Variants in ATL2 observed in about 807,000 individuals in gnomAD.
ATL2 encodes atlastin-2.
ATL2 carries 31 observed loss-of-function variants against 73.9 expected under a neutral mutation model. That is an observed-to-expected ratio of 0.42 (90% confidence interval 0.32 to 0.57). The LOEUF is 0.57. ATL2 is among the 20% of genes least tolerant of loss of function. The pLI is 0.14. For synonymous variants in ATL2, 291 were observed against 237.5 expected, an observed-to-expected ratio of 1.23 and a Z score of -2.07; for missense variants, 738 against 702.6, an observed-to-expected ratio of 1.05 and a Z score of -0.57.
chr2:38,334,026 C>CTTTT (rs1669155185), intron 2 of ATL2, among the ~76,000 whole-genome samples: 1 of 120,086 alleles, frequency 8.3e-6, no homozygotes, highest in African/African-American at 4.5e-5. Flanking sequence ...GTATCCAATC[C>CTTTT]TCTTTTTTTT....
intron 2 of ATL2, among the ~76,000 whole-genome samples, chr2:38,342,941 G>A (rs944365292): frequency 2.9e-4 from 44 of 149,562 alleles, no homozygotes; most frequent in Middle Eastern, 3.5e-3. Context: ...AGTTCTGTCA[G>A]CCTGGACAAC....
intron 2 of ATL2, among the ~76,000 whole-genome samples, chr2:38,336,466 T>A (rs898684706): frequency 3.3e-5 from 5 of 152,204 alleles, no homozygotes; most frequent in Non-Finnish European, 2.9e-5. Context: ...TAGATACCAG[T>A]GCATAGCAAG....
intron 1 of ATL2, among the ~76,000 whole-genome samples, chr2:38,370,150 C>CAAAAAAAA (rs962952444): frequency 2.3e-5 from 1 of 43,914 alleles, no homozygotes; most frequent in African/African-American, 1.1e-4. Context: ...GAGACTCCGT[C>CAAAAAAAA]AAAAAAAAAA....
At chr2:38,341,473 A>C (rs925465480) in intron 2 of ATL2, among the ~76,000 whole-genome samples, 2 of 152,158 alleles carry the variant, frequency 1.3e-5, no homozygotes, top group South Asian at 4.2e-4. Context: ...CCCCATCTTT[A>C]CAAAAAATTT....
chr2:38,296,534 T>A, intron 12 of ATL2: 2 of 1,614,070 alleles, frequency 1.2e-6, no homozygotes, highest in Non-Finnish European at 1.7e-6. Flanking sequence ...GCTGTGCTGA[T>A]GAAAGAGCAC....
chr2:38,310,467 G>C lies in ATL2; in HGVS notation c.805-20C>G. 2 of 1,575,152 alleles carry C rather than the reference G, an allele frequency of 1.3e-6. No individual in the cohort carries two copies. The highest frequency in any genetic ancestry group is 2.3e-5 in the East Asian group (1 of 44,298). On this transcript the variant is annotated intron_variant, in intron 7 of 12. Coordinates refer to ENST00000378954, the MANE Select transcript of ATL2 (RefSeq NM_001135673.4). Reference sequence around the variant, plus strand: ...TTTTACCTGAGGGCGGAGAGAGACAGGTGAAATTGTAAACAGAAGAAAGAA... The same window carrying C: ...TTTTACCTGAGGGCGGAGAGAGACACGTGAAATTGTAAACAGAAGAAAGAA...
At chr2:38,370,643 T>C (rs1215192430) in intron 1 of ATL2, among the ~76,000 whole-genome samples, 1 of 151,882 alleles carries the variant, frequency 6.6e-6, no homozygotes, top group Non-Finnish European at 1.5e-5. Context: ...AGCGGGTGCC[T>C]GTAGTCCCAG....
intron 1 of ATL2, among the ~76,000 whole-genome samples, chr2:38,344,438 C>T (rs536532018): frequency 1.3e-5 from 2 of 152,188 alleles, no homozygotes; most frequent in Non-Finnish European, 2.9e-5. Context: ...GGGGAAACCC[C>T]GTCTCTACTA....
At chr2:38,300,839 T>C (rs1667146731) in intron 9 of ATL2, among the ~76,000 whole-genome samples, 1 of 150,568 alleles carries the variant, frequency 6.6e-6, no homozygotes, top group African/African-American at 2.5e-5. Flanking sequence ...TTATCCAGTA[T>C]TTTACTTTGA....
In ATL2 at chr2:38,314,641, A is replaced by C. The variant is rs752863750; in HGVS notation, c.678T>G (p.Leu226=). The C allele has an allele frequency of 2.3e-5, 37 of 1,599,286 alleles. No homozygotes were observed. Among genetic ancestry groups the C allele is most frequent in the Non-Finnish European group, 2.9e-5 (34 of 1,167,104 alleles). Residue 226 remains leucine, a synonymous_variant, in exon 6 of 13, where the codon CTT becomes CTG. Transcript: ENST00000378954. ...HLQLFTEYGR[L]AMEEIYQKPF... is the part of the protein sequence containing the mutation. ...GTTTCTGGTAGATTTCTTCCATCGC[A>C]AGTCTTCCATACTCTGTAAATAACT...
Position 38,295,020 on chromosome 2 carries a change from G to A in ATL2, c.*974C>T, listed in dbSNP as rs1553326157. ...TGGTGGGCGGGGGGGGGGTGAGATTGCAGTGCTCAAGATAAATATCACAAA... is the reference window on the plus strand; with the variant it reads ...TGGTGGGCGGGGGGGGGGTGAGATTACAGTGCTCAAGATAAATATCACAAA... On this transcript the variant is annotated 3_prime_UTR_variant, in exon 13 of 13. Coordinates refer to ENST00000378954, the MANE Select transcript of ATL2 (RefSeq NM_001135673.4). 6.9e-6 allele frequency: 1 copy of A among 145,290 alleles called. No individual in the cohort carries two copies. The highest frequency in any genetic ancestry group is 1.5e-5 in the Non-Finnish European group (1 of 66,706). The allele number at this position is 145,290 out of a possible 1,614,324, so 9.0% of individuals were successfully genotyped here.
At chr2:38,376,008 G>A (rs1039881805) in intron 1 of ATL2, 20 of 1,295,866 alleles carry the variant, frequency 1.5e-5, no homozygotes, top group Non-Finnish European at 2.0e-5. Flanking sequence ...ATACCAAAAT[G>A]CTTTACATTT....
intron 1 of ATL2, among the ~76,000 whole-genome samples, chr2:38,350,763 A>T (rs760115810): frequency 3.5e-5 from 5 of 142,370 alleles, no homozygotes; most frequent in Non-Finnish European, 6.1e-5. Context: ...AAATTGCTCT[A>T]AAAAAAAAAA....
chr2:38,372,369 G>C (rs1157224145), intron 1 of ATL2, among the ~76,000 whole-genome samples: 1 of 152,006 alleles, frequency 6.6e-6, no homozygotes, highest in Non-Finnish European at 1.5e-5. Flanking sequence ...CATTGTATTA[G>C]GTATTATAGT....
At chr2:38,321,143 A>C (rs896406845) in intron 2 of ATL2, among the ~76,000 whole-genome samples, 4 of 152,218 alleles carry the variant, frequency 2.6e-5, no homozygotes, top group Admixed American at 2.0e-4. Flanking sequence ...ACTGCGCTCC[A>C]GCCTGGGCAA....
At chr2:38,335,909 G>A (rs923337079) in intron 2 of ATL2, among the ~76,000 whole-genome samples, 5 of 152,064 alleles carry the variant, frequency 3.3e-5, no homozygotes, top group South Asian at 2.1e-4. Flanking sequence ...GCATGGTGGC[G>A]GGAGGTACTT....
At chr2:38,337,322 T>C (rs1296843073) in intron 2 of ATL2, among the ~76,000 whole-genome samples, 2 of 150,746 alleles carry the variant, frequency 1.3e-5, no homozygotes, top group African/African-American at 4.9e-5. Flanking sequence ...CCTATCTCTA[T>C]TAAAAATACA....
intron 1 of ATL2, among the ~76,000 whole-genome samples, chr2:38,348,753 A>C (rs1670169649): frequency 6.6e-6 from 1 of 151,942 alleles, no homozygotes; most frequent in Admixed American, 6.5e-5. Flanking sequence ...AAATGGGAGA[A>C]AATTTTCGCA....
rs533444889 is a variant in ATL2 at position 38,362,060 on chromosome 2, C to T, written c.118+15083G>A. ...TAGAAAGGAGACTCAAATCAGTCCA[C>T]ATAATGATGCTTATCATTTAAAATA... On this transcript the variant is annotated intron_variant, in intron 1 of 12. Coordinates refer to ENST00000378954, the MANE Select transcript of ATL2 (RefSeq NM_001135673.4). Among the ~76,000 whole-genome samples, 376 of 151,996 alleles carry T rather than the reference C, an allele frequency of 2.5e-3. 2 individuals are homozygous for T. The highest frequency in any genetic ancestry group is 8.8e-3 in the African/African-American group (364 of 41,488).
Sources: allele counts gnomAD v4.1 joint callset (sites outside exome capture counted in the v4.1 genomes callset), GRCh38; gene constraint gnomAD v4.1.1; transcripts MANE v1.5; gene names NCBI Gene and HGNC (gene_info 2026-07-23, HGNC 2026-07-21).